CERS3: variants seen among roughly 807,000 people sequenced by gnomAD.
The protein encoded by CERS3 is LAG1 homolog, ceramide synthase 3.
CERS3 carries 33 observed loss-of-function variants against 50.3 expected under a neutral mutation model. The ratio of observed to expected loss-of-function variants is 0.66; its 90% CI spans 0.50 to 0.88. The LOEUF is 0.88. Among genes scored for constraint, CERS3 ranks in the 40% least tolerant of loss-of-function variants. The probability of loss-of-function intolerance (pLI) is 0.00; values close to 1 mark genes in which losing one functional copy is unlikely to be tolerated. For missense variants in CERS3, 470 were observed against 460.3 expected (o/e 1.02, Z -0.19); for synonymous variants, 176 against 155.2 (o/e 1.13, Z -0.99).
chr15:100,494,210 C>CATATATATATATATAT (rs1170051830), intron 3 of CERS3, among the ~76,000 whole-genome samples: 3 of 78,124 alleles, frequency 3.8e-5, no homozygotes, highest in African/African-American at 1.7e-4. Context: ...TTTTTCTTTT[C>CATATATATATATATAT]ATATATATAT....
At chr15:100,411,172 T>C (rs2031458264) in intron 11 of CERS3, among the ~76,000 whole-genome samples, 1 of 152,240 alleles carries the variant, frequency 6.6e-6, no homozygotes, top group Non-Finnish European at 1.5e-5. Context: ...TTCTGTTTTT[T>C]TTCTTTTGAG....
chr15:100,507,426 C>CA (rs1307865898), intron 2 of CERS3, among the ~76,000 whole-genome samples: 2 of 152,202 alleles, frequency 1.3e-5, no homozygotes, highest in East Asian at 3.9e-4. Flanking sequence ...AAGACTGTGA[C>CA]AGTCACTCTT....
intron 4 of CERS3, among the ~76,000 whole-genome samples, chr15:100,484,953 C>T (rs2035442871): frequency 6.6e-6 from 1 of 152,232 alleles, no homozygotes; most frequent in South Asian, 2.1e-4. Flanking sequence ...TGTGAGCTCA[C>T]TTGTTCAGCT....
chr15:100,520,783 G>A (rs1404854955), intron 2 of CERS3, among the ~76,000 whole-genome samples: 1 of 152,152 alleles, frequency 6.6e-6, no homozygotes, highest in East Asian at 1.9e-4. Flanking sequence ...AGTGGGCAGG[G>A]TGGGGAGGAG....
At chr15:100,450,133 T>C (rs530277710) in intron 11 of CERS3, among the ~76,000 whole-genome samples, 1 of 152,190 alleles carries the variant, frequency 6.6e-6, no homozygotes, top group South Asian at 2.1e-4. Flanking sequence ...AAAAATAGAC[T>C]AGATTGGCCA....
intron 11 of CERS3, among the ~76,000 whole-genome samples, chr15:100,417,230 G>C (rs974118272): frequency 4.4e-4 from 67 of 151,622 alleles, no homozygotes; most frequent in Middle Eastern, 3.4e-3. Context: ...TGCGTGCACC[G>C]TGCGTGAGCC....
chr15:100,460,825 G>A (rs117121171), intron 10 of CERS3, among the ~76,000 whole-genome samples: 2,744 of 152,246 alleles, frequency 0.018, 50 homozygotes, highest in Middle Eastern at 0.031. Flanking sequence ...ACAGTCTACC[G>A]GAGAATGTGA....
intron 11 of CERS3, among the ~76,000 whole-genome samples, chr15:100,412,696 A>G (rs1225427634): frequency 6.6e-6 from 1 of 152,142 alleles, no homozygotes; most frequent in Non-Finnish European, 1.5e-5. Context: ...GCCAGACACA[A>G]AAGTTGCTTT....
At chr15:100,465,816 A>G (rs1196252090) in intron 10 of CERS3, among the ~76,000 whole-genome samples, 1 of 151,714 alleles carries the variant, frequency 6.6e-6, no homozygotes, top group African/African-American at 2.4e-5. Flanking sequence ...TCGCCATCAC[A>G]CCCGGCTAAT....
intron 11 of CERS3, among the ~76,000 whole-genome samples, chr15:100,421,434 G>C (rs915055265): frequency 6.6e-6 from 1 of 151,980 alleles, no homozygotes; most frequent in Non-Finnish European, 1.5e-5. Context: ...AAGTAAAAGA[G>C]GATACAAACA....
chr15:100,510,560 C>T (rs2036309932), intron 2 of CERS3, among the ~76,000 whole-genome samples: 1 of 152,192 alleles, frequency 6.6e-6, no homozygotes, highest in African/African-American at 2.4e-5. Context: ...CCAGCCTCCA[C>T]CCCAGTTACA....
chr15:100,522,174 GATA>G (rs2036658970), intron 1 of CERS3, among the ~76,000 whole-genome samples: 1 of 152,186 alleles, frequency 6.6e-6, no homozygotes, highest in African/African-American at 2.4e-5. Flanking sequence ...CTTGAACAGA[GATA>G]ATAAGGGCCT....
chr15:100,522,282 T>A (rs1356640195), intron 1 of CERS3, among the ~76,000 whole-genome samples: 2 of 152,204 alleles, frequency 1.3e-5, no homozygotes, highest in Non-Finnish European at 2.9e-5. Flanking sequence ...CCAACCCTGG[T>A]TCTACATGTG....
In CERS3 at chr15:100,466,770, TTCCTTCCTTCCTTCCTTCC is replaced by T. The variant is rs1567638366; in HGVS notation, c.845+2589_845+2607del. ...CTTCCTTCCTTCCTTCCTTCCTTCCTTCCTTCCTTCCTTCCTTCCTTCCTCCCTCCCTCCCTCCCTCCCT... is the reference window on the plus strand; with the variant it reads ...CTTCCTTCCTTCCTTCCTTCCTTCCTTTCCTCCCTCCCTCCCTCCCTCCCT... On this transcript the variant is annotated intron_variant, in intron 10 of 11. Coordinates refer to ENST00000679737, the MANE Select transcript of CERS3 (RefSeq NM_001378789.1). 7.8e-4 allele frequency among the ~76,000 whole-genome samples: 19 copies of T among 24,362 alleles called. 1 individual carries two copies. The highest frequency in any genetic ancestry group is 1.4e-3 in the African/African-American group (16 of 11,382). The allele number at this position is 24,362 out of a possible 152,430, so 16.0% of individuals were successfully genotyped here. A position where few individuals can be genotyped will look rare whatever the true frequency, so the allele number is the denominator to read the frequency against.
intron 1 of CERS3, among the ~76,000 whole-genome samples, chr15:100,540,420 C>T (rs997849674): frequency 2.0e-5 from 3 of 152,068 alleles, no homozygotes; most frequent in Non-Finnish European, 2.9e-5. Context: ...GACAGGCGCC[C>T]GTAATCCCAG....
rs1214996350 is a variant in CERS3 at position 100,469,440 on chromosome 15, G to A, written c.783C>T (p.Asn261=). The A allele has an allele frequency of 6.2e-7, 1 of 1,614,070 alleles. No homozygotes were observed. Among genetic ancestry groups the A allele is most frequent in the Admixed American group, 1.7e-5 (1 of 60,020 alleles). ...TGGTGGAGAAGATGAAAAACAGGGT[G>A]TTACAGGTCTGCGTCCATCCAGCAT... ...FSYAGWTQTC[N]TLFFIFSTIF... is the part of the protein sequence containing the mutation. Residue 261 remains asparagine (N), a synonymous_variant, in exon 10 of 12, where the codon AAC becomes AAT. Coordinates refer to ENST00000679737, the MANE Select transcript of CERS3 (RefSeq NM_001378789.1).
rs749963065 is a variant in CERS3, at chr15:100,471,517, T to C, written c.738+1407A>G. Among the ~76,000 whole-genome samples, 364 of 152,080 alleles carry C rather than the reference T, an allele frequency of 2.4e-3. 8 individuals are homozygous for C. The highest frequency in any genetic ancestry group is 8.8e-4 in the Non-Finnish European group (60 of 68,014). ...TACATTGGACACACACCAAAGGCAA[T>C]TGAATATGAGGGTTTAGAAGCAACA... is the stretch of plus-strand genomic sequence containing the variant. On this transcript the variant is annotated intron_variant, in intron 9 of 11. Coordinates refer to ENST00000679737, the MANE Select transcript of CERS3 (RefSeq NM_001378789.1).
intron 11 of CERS3, among the ~76,000 whole-genome samples, chr15:100,407,598 A>G (rs2031148425): frequency 6.6e-6 from 1 of 152,258 alleles, no homozygotes; most frequent in Non-Finnish European, 1.5e-5. Flanking sequence ...AACTGCGTAT[A>G]TAAGTCAAAG....
At position 100,484,696 on chromosome 15, in the gene CERS3, G is replaced by C. The variant is rs1412433532; in HGVS notation, c.289-28C>G. The C allele has an allele frequency of 2.0e-6, 3 of 1,494,504 alleles. No homozygotes were observed. In the African/African-American group the frequency reaches 4.1e-5, roughly 21 times the overall value. 92.6% of individuals were successfully genotyped at this position (1,494,504 alleles called of 1,614,324 possible). A position where few individuals can be genotyped will look rare whatever the true frequency, so the allele number is the denominator to read the frequency against. On this transcript the variant is annotated intron_variant, in intron 4 of 11. Coordinates refer to ENST00000679737, the MANE Select transcript of CERS3 (RefSeq NM_001378789.1). ...GAAAAGGGATGAAACGCATAAATGA[G>C]TGATAAAGAACAGAGTCAGACTGGC...
Sources: gnomAD v4.1 joint callset for allele counts (sites outside exome capture counted in the v4.1 genomes callset) on GRCh38, gnomAD v4.1.1 for gene constraint, MANE v1.5 for transcripts, NCBI Gene and HGNC (gene_info 2026-07-23, HGNC 2026-07-21) for gene names.